GRK5: variants seen among roughly 807,000 people sequenced by gnomAD.
GRK5 encodes the protein G protein-coupled receptor kinase 5.
Under a neutral mutation model 78.4 loss-of-function variants are expected in GRK5, and 40 were observed. The ratio of observed to expected loss-of-function variants is 0.51; its 90% CI spans 0.40 to 0.66. The LOEUF is 0.66. Ranked by LOEUF, GRK5 falls within the 30% of genes least tolerant of loss-of-function variation. GRK5 has a pLI of 0.00. For missense variants in GRK5, 598 were observed against 759.9 expected (o/e 0.79, Z 2.50); for synonymous variants, 289 against 296.8 (o/e 0.97, Z 0.27).
intron 3 of GRK5, 27 bp from the exon 4 acceptor site, chr10:119,396,668 T>A: frequency 6.4e-7 from 1 of 1,570,876 alleles, no homozygotes; most frequent in Non-Finnish European, 8.8e-7. Context: ...AAACCTGTTA[T>A]TGTTCTTTTT....
At chr10:119,434,426 G>A (rs1196787959) in intron 8 of GRK5, among the ~76,000 whole-genome samples, 1 of 152,232 alleles carries the variant, frequency 6.6e-6, no homozygotes, top group East Asian at 1.9e-4. Context: ...GATACAATGT[G>A]GGTACAGGCA....
At position 119,412,233 on chromosome 10, in the gene GRK5, C is replaced by T. The variant is rs920201943; in HGVS notation, c.340-10933C>T. On this transcript the variant is annotated intron_variant, in intron 4 of 15. Transcript: ENST00000392870. The surrounding 1 kb of genome is among the most constrained non-coding windows in gnomAD (Gnocchi z 4.3). ...CCTTCCTTTGAACTCAAAAGAGGCACAGTGAGAGCCTTCCAGCCTCGATCA... is the reference window on the plus strand; with the variant it reads ...CCTTCCTTTGAACTCAAAAGAGGCATAGTGAGAGCCTTCCAGCCTCGATCA... 6.6e-6 allele frequency among the ~76,000 whole-genome samples: 1 copy of T among 152,152 alleles called. No homozygotes were observed. Among genetic ancestry groups the T allele is most frequent in the African/African-American group, 2.4e-5 (1 of 41,444 alleles).
At position 119,271,031 on chromosome 10, in the gene GRK5, T is replaced by C. The variant is rs1849574669; in HGVS notation, c.53-55485T>C. Among the ~76,000 whole-genome samples, 1 of 152,224 alleles carries C rather than the reference T, an allele frequency of 6.6e-6. No homozygotes were observed. Among genetic ancestry groups the C allele is most frequent in the Non-Finnish European group, 1.5e-5 (1 of 68,044 alleles). On this transcript the variant is annotated intron_variant, in intron 1 of 15. Coordinates refer to ENST00000392870, the MANE Select transcript of GRK5 (RefSeq NM_005308.3). The surrounding 1 kb of genome is among the most constrained non-coding windows in gnomAD (Gnocchi z 4.1). Reference sequence around the variant, plus strand: ...TAAATGTCATGAGTGTTATTATTAGTCGTAATCTTATCTTTGTTAATAATA... The same window carrying C: ...TAAATGTCATGAGTGTTATTATTAGCCGTAATCTTATCTTTGTTAATAATA...
At chr10:119,213,902 CAGATA>C (rs1185724232) in intron 1 of GRK5, among the ~76,000 whole-genome samples, 4 of 152,288 alleles carry the variant, frequency 2.6e-5, no homozygotes, top group African/African-American at 9.6e-5. Context: ...GTGTCAGCCT[CAGATA>C]ATACAATGTG....
chr10:119,287,089 GGAGA>G (rs1849859791), intron 1 of GRK5, among the ~76,000 whole-genome samples: 1 of 147,336 alleles, frequency 6.8e-6, no homozygotes, highest in Non-Finnish European at 1.5e-5. Flanking sequence ...AGGGAGGGAG[GGAGA>G]GAGGAAGGGA....
intron 2 of GRK5, among the ~76,000 whole-genome samples, chr10:119,359,922 T>C (rs1851331097): frequency 6.6e-6 from 1 of 151,744 alleles, no homozygotes; most frequent in Non-Finnish European, 1.5e-5. Context: ...GCTAGCAGGC[T>C]GAAGGGAGGT....
At chr10:119,289,909 G>A (rs768883259) in intron 1 of GRK5, among the ~76,000 whole-genome samples, 2 of 152,174 alleles carry the variant, frequency 1.3e-5, no homozygotes, top group Admixed American at 1.3e-4. Flanking sequence ...TGTTTTAAAT[G>A]TATAGTATTT....
chr10:119,311,177 T>G (rs185664263), intron 1 of GRK5, among the ~76,000 whole-genome samples: 1 of 152,208 alleles, frequency 6.6e-6, no homozygotes, highest in Admixed American at 6.5e-5. Context: ...TCCCTTCCGG[T>G]CCTGCCTCGC....
At chr10:119,349,587 G>A (rs1851157350) in intron 2 of GRK5, among the ~76,000 whole-genome samples, 1 of 152,240 alleles carries the variant, frequency 6.6e-6, no homozygotes, top group South Asian at 2.1e-4. Context: ...TCAGGGCCTG[G>A]GGCCTTCGGG....
chr10:119,216,911 A>G (rs1169841369), intron 1 of GRK5, among the ~76,000 whole-genome samples: 1 of 152,152 alleles, frequency 6.6e-6, no homozygotes, highest in Non-Finnish European at 1.5e-5. Flanking sequence ...CCTGGGTAAC[A>G]GCGAAACTCC....
chr10:119,389,027 G>T (rs1300677929), intron 3 of GRK5, among the ~76,000 whole-genome samples: 2 of 152,192 alleles, frequency 1.3e-5, no homozygotes, highest in Admixed American at 1.3e-4. Context: ...ATATCATACT[G>T]GTGGCACTGG....
Position 119,291,338 on chromosome 10 carries a change from G to A in GRK5, c.53-35178G>A, listed in dbSNP as rs75895777. Among the ~76,000 whole-genome samples the A allele has an allele frequency of 5.3e-5, 8 of 152,284 alleles. No homozygotes were observed. In the East Asian group the frequency reaches 9.7e-4, roughly 18 times the overall value. The stretch of plus-strand genomic sequence containing the variant: ...CCCATTTAGCTACACCCAGGGTTGG[G>A]CGTTCAGCCTGGCATCCTTGGAAAA... On this transcript the variant is annotated intron_variant, in intron 1 of 15. Transcript: ENST00000392870.
intron 2 of GRK5, among the ~76,000 whole-genome samples, chr10:119,372,476 A>G (rs1851561991): frequency 6.6e-6 from 1 of 152,138 alleles, no homozygotes; most frequent in African/African-American, 2.4e-5. Flanking sequence ...TCTTCCAGAT[A>G]CTCATTATAT....
chr10:119,329,235 A>G (rs1474960989), intron 2 of GRK5, among the ~76,000 whole-genome samples: 1 of 152,232 alleles, frequency 6.6e-6, no homozygotes, highest in Admixed American at 6.5e-5. Flanking sequence ...TCTCAAAAAT[A>G]TAAAAGATGA....
chr10:119,414,651 TACTTA>T (rs1327711752), intron 4 of GRK5, among the ~76,000 whole-genome samples: 1 of 152,236 alleles, frequency 6.6e-6, no homozygotes, highest in African/African-American at 2.4e-5. Context: ...TTGAGCAAGT[TACTTA>T]ACTTCTGAGC....
At chr10:119,396,598 G>C (rs1217435851) in intron 3 of GRK5, 97 bp from the exon 4 acceptor site, 4 of 992,558 alleles carry the variant, frequency 4.0e-6, no homozygotes, top group Non-Finnish European at 6.3e-6. Flanking sequence ...TGGTCAGGTG[G>C]CCTCTAGGGG....
In GRK5 at chr10:119,271,636, G is replaced by A. The variant is rs1475972865; in HGVS notation, c.53-54880G>A. ...TCAGTGCTGGGCTGGTGTGTGCGGG[G>A]TTTTGTCGCCACCTTTGGCAATGGA... On this transcript the variant is annotated intron_variant, in intron 1 of 15. Coordinates refer to ENST00000392870, the MANE Select transcript of GRK5 (RefSeq NM_005308.3). This position sits in a 1 kb window ranked among gnomAD's most constrained non-coding sequence, Gnocchi z 4.1. Among the ~76,000 whole-genome samples the A allele has an allele frequency of 6.6e-6, 1 of 152,170 alleles. No homozygotes were observed. Among genetic ancestry groups the A allele is most frequent in the African/African-American group, 2.4e-5 (1 of 41,446 alleles).
chr10:119,231,228 A>G (rs1043187774), intron 1 of GRK5, among the ~76,000 whole-genome samples: 1 of 152,188 alleles, frequency 6.6e-6, no homozygotes, highest in Admixed American at 6.5e-5. Context: ...TCAACAGGAA[A>G]AAAACATTCC....
chr10:119,383,625 G>A (rs908585206), intron 3 of GRK5, among the ~76,000 whole-genome samples: 1 of 152,142 alleles, frequency 6.6e-6, no homozygotes, highest in African/African-American at 2.4e-5. Context: ...TTTAACTTGT[G>A]GTTTTAAACA....
Sources: allele counts gnomAD v4.1 joint callset (sites outside exome capture counted in the v4.1 genomes callset), GRCh38; gene constraint gnomAD v4.1.1; non-coding constraint Gnocchi (gnomAD v3.1); transcripts MANE v1.5; gene names NCBI Gene and HGNC (gene_info 2026-07-23, HGNC 2026-07-21).